The following NOVA1 variants were observed in gnomAD, a reference collection of about 807,000 sequenced individuals.
The protein encoded by NOVA1 is RNA-binding protein Nova-1.
NOVA1 carries 7 observed loss-of-function variants against 38.0 expected under a neutral mutation model. That is an observed-to-expected ratio of 0.18 (90% CI 0.10 to 0.35). The LOEUF is 0.35. Among genes scored for constraint, NOVA1 ranks in the 10% least tolerant of loss-of-function variants. The pLI is 1.00. For synonymous variants in NOVA1, 270 were observed against 232.5 expected, an observed-to-expected ratio of 1.16 and a Z score of -1.47; for missense variants, 460 against 616.0, an observed-to-expected ratio of 0.75 and a Z score of 2.68.
chr14:26,495,536 T>G lies in NOVA1; in HGVS notation c.281-15393A>C, dbSNP rs1340802154. ...TATACTTTAAGTTTTAGGGTAGATG[T>G]GCACAATGTGCAGGTTAGTTACATA... On this transcript the variant is annotated intron_variant, in intron 2 of 4. Transcript: ENST00000539517. Among the ~76,000 whole-genome samples the G allele has an allele frequency of 3.3e-5, 5 of 152,148 alleles. No individual in the cohort carries two copies. The East Asian group carries it at 7.7e-4, about 24-fold the overall frequency.
chr14:26,473,378 T>C (rs1884740428), intron 3 of NOVA1, among the ~76,000 whole-genome samples: 1 of 151,894 alleles, frequency 6.6e-6, no homozygotes, highest in Non-Finnish European at 1.5e-5. Flanking sequence ...CCTCAATAGA[T>C]AATATTTCTA....
chr14:26,530,539 C>A (rs1889639444), intron 2 of NOVA1, among the ~76,000 whole-genome samples: 1 of 151,958 alleles, frequency 6.6e-6, no homozygotes, highest in Non-Finnish European at 1.5e-5. Flanking sequence ...ATCTATAATA[C>A]TTATCTCTGG....
At chr14:26,450,218 C>G (rs1455980136) in intron 4 of NOVA1, among the ~76,000 whole-genome samples, 1 of 152,052 alleles carries the variant, frequency 6.6e-6, no homozygotes, top group Non-Finnish European at 1.5e-5. Flanking sequence ...TAATTTTTAG[C>G]AAGCATCTCT....
chr14:26,556,610 T>C (rs1482796513), intron 2 of NOVA1, among the ~76,000 whole-genome samples: 1 of 152,138 alleles, frequency 6.6e-6, no homozygotes, highest in Non-Finnish European at 1.5e-5. Flanking sequence ...ATGTTTTAGA[T>C]ACACCAAAAG....
intron 4 of NOVA1, among the ~76,000 whole-genome samples, chr14:26,465,430 C>T (rs1194201932): frequency 6.6e-6 from 1 of 152,168 alleles, no homozygotes; most frequent in African/African-American, 2.4e-5. Flanking sequence ...CTCGGCCTCC[C>T]AAAGTGCTGG....
At chr14:26,543,642 G>A (rs1415321517) in intron 2 of NOVA1, among the ~76,000 whole-genome samples, 1 of 151,962 alleles carries the variant, frequency 6.6e-6, no homozygotes, top group African/African-American at 2.4e-5. Flanking sequence ...TGACAGAACA[G>A]CATAAGACAA....
At chr14:26,463,028 G>A (rs561319866) in intron 4 of NOVA1, among the ~76,000 whole-genome samples, 2 of 152,166 alleles carry the variant, frequency 1.3e-5, no homozygotes, top group East Asian at 3.9e-4. Flanking sequence ...ATGTTTCTTA[G>A]CAACTTAATT....
intron 2 of NOVA1, among the ~76,000 whole-genome samples, chr14:26,560,022 TAC>T (rs1891727483): frequency 6.6e-6 from 1 of 152,182 alleles, no homozygotes; most frequent in African/African-American, 2.4e-5. Flanking sequence ...TGTAATTTAA[TAC>T]ATTTTGTATA....
intron 4 of NOVA1, among the ~76,000 whole-genome samples, chr14:26,460,337 A>G (rs896530282): frequency 8.9e-4 from 135 of 152,112 alleles, no homozygotes; most frequent in African/African-American, 2.9e-3. Flanking sequence ...ACTGAAACAC[A>G]TCTGCCATTT....
intron 2 of NOVA1, among the ~76,000 whole-genome samples, chr14:26,564,629 G>A (rs1309524657): frequency 6.6e-6 from 1 of 152,094 alleles, no homozygotes; most frequent in Admixed American, 6.6e-5. Flanking sequence ...TTTATATCAG[G>A]AAATTGTAAA....
intron 2 of NOVA1, among the ~76,000 whole-genome samples, chr14:26,557,759 G>A (rs1891583330): frequency 6.6e-6 from 1 of 151,584 alleles, no homozygotes; most frequent in African/African-American, 2.4e-5. Flanking sequence ...CATGCTCCTT[G>A]GTATTTACAA....
intron 2 of NOVA1, among the ~76,000 whole-genome samples, chr14:26,502,784 A>G (rs556308406): frequency 6.6e-6 from 1 of 152,112 alleles, no homozygotes; most frequent in East Asian, 1.9e-4. Context: ...AAAAAATAAA[A>G]ATGTGCCATT....
intron 2 of NOVA1, among the ~76,000 whole-genome samples, chr14:26,481,037 A>G (rs1349167376): frequency 2.0e-5 from 3 of 152,092 alleles, no homozygotes; most frequent in African/African-American, 7.2e-5. Context: ...TACTTTACAG[A>G]TATACATTAA....
At chr14:26,457,080 T>G (rs964919104) in intron 4 of NOVA1, among the ~76,000 whole-genome samples, 62 of 152,004 alleles carry the variant, frequency 4.1e-4, no homozygotes, top group Non-Finnish European at 7.4e-5. Context: ...GATGAGCTTT[T>G]TTCTCTTACC....
chr14:26,521,288 T>G (rs935610523), intron 2 of NOVA1, among the ~76,000 whole-genome samples: 1 of 152,038 alleles, frequency 6.6e-6, no homozygotes, highest in Non-Finnish European at 1.5e-5. Context: ...ACTGGACATA[T>G]TACTCTAACA....
rs551648128 is a variant in NOVA1 at position 26,444,480 on chromosome 14, T to C, written c.*3479A>G. Reference sequence around the variant, plus strand: ...AGGCTTGTGCATGGTGGTGTGGCAATATCATTTTAAAAGTTTGTTACAGAT... The same window carrying C: ...AGGCTTGTGCATGGTGGTGTGGCAACATCATTTTAAAAGTTTGTTACAGAT... On this transcript the variant is annotated 3_prime_UTR_variant, in exon 5 of 5. Transcript: ENST00000539517. The C allele has an allele frequency of 6.6e-6, 1 of 152,112 alleles. No individual in the cohort carries two copies. The highest frequency in any genetic ancestry group is 1.5e-5 in the Non-Finnish European group (1 of 68,024). The allele number at this position is 152,112 out of a possible 1,614,324, so 9.4% of individuals were successfully genotyped here. A position where few individuals can be genotyped will look rare whatever the true frequency, so the allele number is the denominator to read the frequency against.
intron 4 of NOVA1, among the ~76,000 whole-genome samples, chr14:26,466,304 G>A (rs902884488): frequency 3.3e-4 from 50 of 152,216 alleles, no homozygotes; most frequent in Admixed American, 4.6e-4. Flanking sequence ...TCAGCGAAAC[G>A]GTAAACTATT....
chr14:26,528,856 A>C (rs1171425378), intron 2 of NOVA1, among the ~76,000 whole-genome samples: 1 of 152,158 alleles, frequency 6.6e-6, no homozygotes, highest in Non-Finnish European at 1.5e-5. Context: ...TATTCTTCAC[A>C]TATTAAAGCT....
chr14:26,567,533 C>T (rs1242224525), intron 2 of NOVA1, among the ~76,000 whole-genome samples: 2 of 151,948 alleles, frequency 1.3e-5, no homozygotes, highest in Admixed American at 6.6e-5. Flanking sequence ...TGGACTCAAG[C>T]GATCCTCCTG....
Sources: allele counts gnomAD v4.1 joint callset (sites outside exome capture counted in the v4.1 genomes callset), GRCh38; gene constraint gnomAD v4.1.1; transcripts MANE v1.5; gene names NCBI Gene and HGNC (gene_info 2026-07-23, HGNC 2026-07-21).